Variants in KLRD1 observed in about 807,000 individuals in gnomAD.
KLRD1 encodes the protein killer cell lectin like receptor D1, also known as natural killer cells antigen CD94.
KLRD1 carries 21 observed loss-of-function variants against 22.6 expected under a neutral mutation model. The observed-to-expected ratio is 0.93, with a 90% CI of 0.66 to 1.34. The LOEUF (loss-of-function observed/expected upper bound fraction) is 1.34, where lower values mean the gene tolerates loss of function less well. Among genes scored for constraint, KLRD1 ranks in the 40% most tolerant of loss-of-function variants. The pLI, the probability that KLRD1 is intolerant of heterozygous loss-of-function variation, is 0.00. For missense variants in KLRD1, 183 were observed against 208.6 expected (o/e 0.88, Z 0.76); for synonymous variants, 59 against 71.1 (o/e 0.83, Z 0.85).
At chr12:10,309,545 G>C in intron 2 of KLRD1, 65 bp downstream of exon 2, 3 of 1,255,664 alleles carry the variant, frequency 2.4e-6, no homozygotes, top group Non-Finnish European at 2.3e-6. Flanking sequence ...AATAATAAAG[G>C]CTTCATCTTG....
upstream of KLRD1, among the ~76,000 whole-genome samples, chr12:10,299,710 A>G (rs1264703630): frequency 6.6e-6 from 1 of 152,178 alleles, no homozygotes; most frequent in Non-Finnish European, 1.5e-5. Flanking sequence ...ATTTCTTAAA[A>G]TAAAAAAATG....
chr12:10,246,951 G>C (rs1412909909), intron 1 of KLRD1, among the ~76,000 whole-genome samples: 8 of 72,602 alleles, frequency 1.1e-4, no homozygotes, highest in African/African-American at 1.5e-4. Flanking sequence ...TTTTTTTTTT[G>C]AGATAGAGTC....
chr12:10,258,524 A>G (rs747135576), intron 1 of KLRD1, among the ~76,000 whole-genome samples: 18 of 152,202 alleles, frequency 1.2e-4, no homozygotes, highest in Non-Finnish European at 1.9e-4. Context: ...GTTCATAGGA[A>G]TTATATCTGT....
rs375685092 is a variant in KLRD1 at position 10,239,559 on chromosome 12, C to CTT, written c.-101+13328_-101+13329dup. Among the ~76,000 whole-genome samples the CTT allele has an allele frequency of 5.3e-4, 62 of 116,260 alleles. 1 individual carries two copies. The highest frequency in any genetic ancestry group is 2.8e-3 in the African/African-American group (58 of 20,648). 76.3% of individuals were successfully genotyped at this position (116,260 alleles called of 152,430 possible). On this transcript the variant is annotated intron_variant, in intron 1 of 5. Coordinates refer to the KLRD1 transcript ENST00000544747. Reference sequence around the variant, plus strand: ...TCTTTCTTTCTTTCTTTCTTTCTTTCTTTCTTTCTTTCTTTCTTTCTTTCT... The same window carrying CTT: ...TCTTTCTTTCTTTCTTTCTTTCTTTCTTTTTCTTTCTTTCTTTCTTTCTTTCT...
chr12:10,293,995 C>G (rs1198266133), intron 1 of KLRD1, among the ~76,000 whole-genome samples: 1 of 152,122 alleles, frequency 6.6e-6, no homozygotes, highest in Non-Finnish European at 1.5e-5. Flanking sequence ...TCCTTTTCTT[C>G]TTATGTCTCA....
At chr12:10,242,663 G>T (rs532153476) in intron 1 of KLRD1, among the ~76,000 whole-genome samples, 2 of 152,152 alleles carry the variant, frequency 1.3e-5, no homozygotes, top group Non-Finnish European at 2.9e-5. Context: ...CAACCACAAT[G>T]TGTAAAGTGT....
rs950635248 is a variant in KLRD1 at position 10,328,347 on chromosome 12, A to T, written c.*13554A>T. The T allele has an allele frequency of 6.6e-6, 1 of 152,098 alleles. No individual in the cohort carries two copies. The highest frequency in any genetic ancestry group is 2.4e-5 in the African/African-American group (1 of 41,432). The allele number at this position is 152,098 out of a possible 1,614,324, so 9.4% of individuals were successfully genotyped here. ...TTCAATCTTCATTCTAGTTATAGAT[A>T]CGCTCATATTTTCTATTTCTTCATA... On this transcript the variant is annotated 3_prime_UTR_variant, in exon 6 of 6. Coordinates refer to ENST00000336164, the MANE Select transcript of KLRD1 (RefSeq NM_002262.5).
chr12:10,279,975 T>C (rs2537791), intron 1 of KLRD1, among the ~76,000 whole-genome samples: 1,717 of 152,372 alleles, frequency 0.011, 40 homozygotes, highest in African/African-American at 0.039. Context: ...CTACTGCTTC[T>C]GGGCCAGATA....
chr12:10,321,456 A>AT lies in KLRD1; in HGVS notation c.*6666dup, dbSNP rs1218902737. The AT allele has an allele frequency of 6.6e-6, 1 of 152,178 alleles. No homozygotes were observed. Among genetic ancestry groups the AT allele is most frequent in the Non-Finnish European group, 1.5e-5 (1 of 68,040 alleles). The allele number at this position is 152,178 out of a possible 1,614,324, so 9.4% of individuals were successfully genotyped here. A position where few individuals can be genotyped will look rare whatever the true frequency, so the allele number is the denominator to read the frequency against. ...TTTGTATGTGGGAGGGACATAAATC[A>AT]TTTGGGGCCAAAGATTAGACTCTTG... is the stretch of plus-strand genomic sequence containing the variant. On this transcript the variant is annotated 3_prime_UTR_variant, in exon 6 of 6. Coordinates refer to ENST00000336164, the MANE Select transcript of KLRD1 (RefSeq NM_002262.5).
At chr12:10,306,632 T>TA (rs1239767419), upstream of KLRD1, among the ~76,000 whole-genome samples, 2 of 152,334 alleles carry the variant, frequency 1.3e-5, no homozygotes, top group South Asian at 4.1e-4. Flanking sequence ...TTTCTAACAC[T>TA]AAAAATGAAT....
chr12:10,299,413 A>C (rs1262129671), intron 1 of KLRD1, among the ~76,000 whole-genome samples: 3 of 152,196 alleles, frequency 2.0e-5, no homozygotes, highest in African/African-American at 7.2e-5. Context: ...TATGGGTTTG[A>C]TTAGAGAACA....
chr12:10,288,336 ATTAT>A (rs1401832911), intron 1 of KLRD1, among the ~76,000 whole-genome samples: 12 of 152,130 alleles, frequency 7.9e-5, no homozygotes, highest in African/African-American at 2.7e-4. Flanking sequence ...ATATGTTGTA[ATTAT>A]TATATAATAA....
At chr12:10,290,066 C>G (rs984955595) in intron 1 of KLRD1, among the ~76,000 whole-genome samples, 1 of 152,106 alleles carries the variant, frequency 6.6e-6, no homozygotes, top group African/African-American at 2.4e-5. Flanking sequence ...CGTGAGCCAC[C>G]CCATCCAGCT....
At position 10,315,758 on chromosome 12, in the gene KLRD1, A is replaced by G. The variant is rs927727410; in HGVS notation, c.*965A>G. On this transcript the variant is annotated 3_prime_UTR_variant, in exon 6 of 6. Transcript: ENST00000336164. Reference sequence around the variant, plus strand: ...AACACTTAGAGTGGTTTTCTCTGTTATGAATCAAAGCTGATCTATTTTCAT... The same window carrying G: ...AACACTTAGAGTGGTTTTCTCTGTTGTGAATCAAAGCTGATCTATTTTCAT... The G allele has an allele frequency of 3.3e-5, 5 of 152,068 alleles. No individual in the cohort carries two copies. Among genetic ancestry groups the G allele is most frequent in the African/African-American group, 1.2e-4 (5 of 41,384 alleles). 9.4% of individuals were successfully genotyped at this position (152,068 alleles called of 1,614,324 possible).
intron 1 of KLRD1, among the ~76,000 whole-genome samples, chr12:10,281,892 T>C (rs1949647216): frequency 6.6e-6 from 1 of 152,176 alleles, no homozygotes; most frequent in African/African-American, 2.4e-5. Flanking sequence ...GAAACCTTGG[T>C]CATAAACTTA....
intron 1 of KLRD1, among the ~76,000 whole-genome samples, chr12:10,265,694 T>C (rs1003778914): frequency 2.6e-5 from 4 of 152,178 alleles, no homozygotes; most frequent in Non-Finnish European, 5.9e-5. Flanking sequence ...AAGGCAGAGG[T>C]TGCAATGAGC....
chr12:10,295,917 T>C (rs936151247), intron 1 of KLRD1, among the ~76,000 whole-genome samples: 2 of 152,198 alleles, frequency 1.3e-5, no homozygotes, highest in African/African-American at 2.4e-5. Flanking sequence ...CGTGTTTCAA[T>C]GCAGAGTGAG....
In KLRD1 at chr12:10,324,818, G is replaced by GTGTGTGTGTGTATATATATATA. The variant is rs750696767; in HGVS notation, c.*10026_*10027insGTGTGTGTGTATATATATATAT. 5 of 74,144 alleles carry GTGTGTGTGTGTATATATATATA rather than the reference G, an allele frequency of 6.7e-5. No individual in the cohort carries two copies. Among genetic ancestry groups the GTGTGTGTGTGTATATATATATA allele is most frequent in the Non-Finnish European group, 1.1e-4 (4 of 37,694 alleles). The allele number at this position is 74,144 out of a possible 1,614,324, so 4.6% of individuals were successfully genotyped here. A position where few individuals can be genotyped will look rare whatever the true frequency, so the allele number is the denominator to read the frequency against. On this transcript the variant is annotated 3_prime_UTR_variant, in exon 6 of 6. Transcript: ENST00000336164. Reference sequence around the variant, plus strand: ...AGTATATATGTATATGTGTGTGTGTGTATATATATATATATATATATATAT... The same window carrying GTGTGTGTGTGTATATATATATA: ...AGTATATATGTATATGTGTGTGTGTGTGTGTGTGTGTATATATATATATATATATATATATATATATATATAT...
upstream of KLRD1, among the ~76,000 whole-genome samples, chr12:10,303,116 A>G (rs1311165137): frequency 1.3e-5 from 2 of 152,152 alleles, no homozygotes; most frequent in Non-Finnish European, 2.9e-5. Flanking sequence ...ACTATGCCAG[A>G]TTTCTCTCAC....
Sources: gnomAD v4.1 joint callset for allele counts (sites outside exome capture counted in the v4.1 genomes callset) on GRCh38, gnomAD v4.1.1 for gene constraint, MANE v1.5 for transcripts, NCBI Gene and HGNC (gene_info 2026-07-23, HGNC 2026-07-21) for gene names.